Variants in RICTOR observed in about 807,000 individuals in gnomAD.
The protein encoded by RICTOR is rapamycin-insensitive companion of mTOR.
Under a neutral mutation model 214.9 loss-of-function variants are expected in RICTOR, and 49 were observed. That is an observed-to-expected ratio of 0.23 (90% CI 0.18 to 0.29). RICTOR has a LOEUF of 0.29. Among genes scored for constraint, RICTOR ranks in the 10% least tolerant of loss-of-function variants. The pLI, the probability that RICTOR is intolerant of heterozygous loss-of-function variation, is 1.00. For missense variants in RICTOR, 1,625 were observed against 2,047.0 expected (o/e 0.79, Z 3.98); for synonymous variants, 717 against 711.3 (o/e 1.01, Z -0.13).
intron 3 of RICTOR, among the ~76,000 whole-genome samples, chr5:39,016,058 C>T (rs945734175): frequency 5.3e-5 from 8 of 152,092 alleles, no homozygotes; most frequent in African/African-American, 1.9e-4. Context: ...CCCCTAAGAT[C>T]CTGACTCAGG....
Position 38,954,810 on chromosome 5 carries a change from T to C in RICTOR, c.2661A>G (p.Val887=). Reference sequence around the variant, plus strand: ...ACAAATGGCAGCCTGTTTTATGGTGTACTAGTTGTCCATAAAGGTGTATAG... The same window carrying C: ...ACAAATGGCAGCCTGTTTTATGGTGCACTAGTTGTCCATAAAGGTGTATAG... ...YLPIHLYGQL[V]HHKTGCHLLE... The change falls in exon 27 of 38, where the codon GTA becomes GTG. Residue 887 remains valine (V), a synonymous_variant. Coordinates refer to ENST00000357387, the MANE Select transcript of RICTOR (RefSeq NM_152756.5). The C allele has an allele frequency of 6.2e-7, 1 of 1,605,954 alleles. No individual in the cohort carries two copies. Among genetic ancestry groups the C allele is most frequent in the East Asian group, 2.2e-5 (1 of 44,732 alleles).
At chr5:38,945,835 C>G (rs1034912282) in intron 33 of RICTOR, 111 bp from the exon 34 acceptor site, 2 of 543,048 alleles carry the variant, frequency 3.7e-6, no homozygotes, top group Non-Finnish European at 3.2e-6. Flanking sequence ...GACTCAAAAT[C>G]TAACTGGAAA....
At chr5:38,988,579 G>A (rs2150073656) in intron 7 of RICTOR, among the ~76,000 whole-genome samples, 1 of 152,100 alleles carries the variant, frequency 6.6e-6, no homozygotes, top group South Asian at 2.1e-4. Context: ...TTGAGCTTAT[G>A]TGTGTCTTTG....
At chr5:38,953,394 T>C in intron 28 of RICTOR, 67 bp downstream of exon 28, 1 of 661,288 alleles carries the variant, frequency 1.5e-6, no homozygotes, top group East Asian at 2.8e-5. Context: ...ATCTATTTAG[T>C]ATAAATGAAA....
chr5:39,004,521 C>T (rs907495718), intron 3 of RICTOR, among the ~76,000 whole-genome samples: 2 of 151,484 alleles, frequency 1.3e-5, no homozygotes, highest in African/African-American at 2.4e-5. Flanking sequence ...GTGCAGTGGC[C>T]TGATCTGAGA....
intron 3 of RICTOR, among the ~76,000 whole-genome samples, chr5:39,019,343 A>G (rs1755215972): frequency 6.6e-6 from 1 of 152,192 alleles, no homozygotes; most frequent in African/African-American, 2.4e-5. Flanking sequence ...AACTTTCATA[A>G]CTAGAGAGAA....
intron 3 of RICTOR, among the ~76,000 whole-genome samples, chr5:39,008,812 A>G (rs1239276): frequency 0.44 from 67,262 of 151,640 alleles, 15,010 homozygotes; most frequent in East Asian, 0.6. Context: ...GATTTCTCAC[A>G]TATTTCAGAA....
chr5:38,950,203 T>C lies in RICTOR; in HGVS notation c.3645A>G (p.Ile1215Met). ...VESSTSSHMK[I>M]RSQSFNTDTT... ...TGTCTGTATTGAAACTTTGGCTACG[T>C]ATCTTCATATGTGAGCTCGTTGAAC... The change falls in exon 31 of 38, where the codon ATA becomes ATG. Residue 1215 changes from isoleucine to methionine, a missense_variant. Around this residue, in one of 5 missense-constraint regions of RICTOR, gnomAD observed 1,214 missense variants for 1,470.5 expected, o/e 0.83. Coordinates refer to ENST00000357387, the MANE Select transcript of RICTOR (RefSeq NM_152756.5). 1.2e-6 allele frequency: 2 copies of C among 1,613,552 alleles called. No homozygotes were observed. The highest frequency in any genetic ancestry group is 1.7e-6 in the Non-Finnish European group (2 of 1,179,644).
At chr5:39,030,087 T>C (rs1328728612) in intron 2 of RICTOR, among the ~76,000 whole-genome samples, 1 of 152,140 alleles carries the variant, frequency 6.6e-6, no homozygotes, top group Non-Finnish European at 1.5e-5. Context: ...ATAGAAATAT[T>C]CAAACCATAA....
intron 7 of RICTOR, among the ~76,000 whole-genome samples, chr5:38,984,997 C>T (rs1029053643): frequency 3.9e-5 from 6 of 152,062 alleles, no homozygotes; most frequent in Non-Finnish European, 8.8e-5. Context: ...TTAGTAGAGA[C>T]GGGGTTTCTC....
At chr5:39,028,471 C>T (rs561263557) in intron 2 of RICTOR, among the ~76,000 whole-genome samples, 49 of 152,152 alleles carry the variant, frequency 3.2e-4, no homozygotes, top group African/African-American at 8.4e-4. Context: ...CGTGAGCCAC[C>T]GCGCCCGGCC....
chr5:38,965,010 A>T (rs951336659), intron 15 of RICTOR, 118 bp from the exon 16 acceptor site: 1 of 537,256 alleles, frequency 1.9e-6, no homozygotes, highest in Non-Finnish European at 3.3e-6. Flanking sequence ...GGTTTTACTC[A>T]TAAAATTAAC....
intron 14 of RICTOR, 180 bp from the exon 15 acceptor site, chr5:38,966,901 A>G: frequency 3.4e-6 from 2 of 588,470 alleles, no homozygotes; most frequent in South Asian, 4.4e-5. Context: ...TCCGGGTTCA[A>G]GCAATTCTCG....
chr5:39,066,939 T>C lies in RICTOR; in HGVS notation c.97+7172A>G, dbSNP rs1244569696. 2.0e-5 allele frequency among the ~76,000 whole-genome samples: 3 copies of C among 152,180 alleles called. No homozygotes were observed. In the East Asian group the frequency reaches 5.8e-4, roughly 29 times the overall value. ...ATTTTGGTCACAACCATTCAACCAG[T>C]CTCTAAGAAGTTCCAAACTTTCCCT... On this transcript the variant is annotated intron_variant, in intron 2 of 37. Transcript: ENST00000357387.
At chr5:39,024,708 C>T (rs1755678707) in intron 2 of RICTOR, among the ~76,000 whole-genome samples, 1 of 152,164 alleles carries the variant, frequency 6.6e-6, no homozygotes, top group South Asian at 2.1e-4. Context: ...ATAGTTACTG[C>T]TATCTAATGA....
rs746736711 is a variant in RICTOR, at chr5:38,949,730, G to A, written c.4118C>T (p.Ser1373Phe). 2.5e-6 allele frequency: 4 copies of A among 1,612,864 alleles called. No individual in the cohort carries two copies. In the Admixed American group the frequency reaches 5.0e-5, roughly 20 times the overall value. Reference sequence around the variant, plus strand: ...TGCTTACCTGCTTGGTGTTAATCTGGACTCAAAACTGTTGGCCTTCATGGT... The same window carrying A: ...TGCTTACCTGCTTGGTGTTAATCTGAACTCAAAACTGTTGGCCTTCATGGT... ...TITMKANSFE[S>F]RLTPSRFMKA... The change falls in exon 31 of 38, where the codon TCC (serine) becomes TTC (phenylalanine). Residue 1373 changes from serine (S) to phenylalanine (F), a missense_variant. Transcript: ENST00000357387.
At chr5:38,944,019 G>A (rs1053328217) in intron 36 of RICTOR, among the ~76,000 whole-genome samples, 7 of 152,088 alleles carry the variant, frequency 4.6e-5, no homozygotes, top group African/African-American at 1.4e-4. Flanking sequence ...GCTTATTTTT[G>A]TGTGGGTTAC....
chr5:38,956,704 T>C (rs1315902714), intron 25 of RICTOR, among the ~76,000 whole-genome samples: 1 of 152,158 alleles, frequency 6.6e-6, no homozygotes, highest in Non-Finnish European at 1.5e-5. Context: ...TTATATTTTA[T>C]GCTATTTTCA....
intron 27 of RICTOR, chr5:38,954,560 A>G (rs1274259645): frequency 4.6e-6 from 2 of 431,778 alleles, no homozygotes; most frequent in African/African-American, 4.2e-5. Context: ...GTCATACACA[A>G]GTCAGTTAAT....
Sources: gnomAD v4.1 joint callset for allele counts (sites outside exome capture counted in the v4.1 genomes callset) on GRCh38, gnomAD v4.1.1 for gene constraint, gnomAD v4.1.1 regional missense constraint, MANE v1.5 for transcripts, NCBI Gene and HGNC (gene_info 2026-07-23, HGNC 2026-07-21) for gene names.